NPAS3: variants seen among roughly 807,000 people sequenced by gnomAD.
The protein encoded by NPAS3 is neuronal PAS domain protein 3.
A neutral mutation model predicts 73.1 loss-of-function variants in NPAS3; 14 were observed. The observed-to-expected ratio is 0.19, with a 90% CI of 0.13 to 0.30. NPAS3 has a LOEUF of 0.30. NPAS3 is among the 10% of genes least tolerant of loss of function. NPAS3 has a pLI of 1.00. For missense variants in NPAS3, 1,096 were observed against 1,250.0 expected (o/e 0.88, Z 1.86); for synonymous variants, 620 against 541.5 (o/e 1.14, Z -2.01).
At chr14:33,672,403 C>T (rs184859635) in intron 5 of NPAS3, among the ~76,000 whole-genome samples, 6 of 152,076 alleles carry the variant, frequency 3.9e-5, no homozygotes, top group African/African-American at 1.2e-4. Context: ...CGCAAATATC[C>T]GTTCTTTATT....
chr14:33,317,180 G>T (rs1303379858), intron 3 of NPAS3, among the ~76,000 whole-genome samples: 2 of 152,052 alleles, frequency 1.3e-5, no homozygotes, highest in Non-Finnish European at 2.9e-5. Flanking sequence ...TGAAAGTATA[G>T]TAAATAACTC....
intron 5 of NPAS3, among the ~76,000 whole-genome samples, chr14:33,649,562 C>G (rs1261333208): frequency 6.6e-6 from 1 of 152,126 alleles, no homozygotes; most frequent in African/African-American, 2.4e-5. Context: ...TTTATATACT[C>G]CATTGTAAGT....
chr14:33,565,455 A>G (rs1418943656), intron 5 of NPAS3, among the ~76,000 whole-genome samples: 1 of 152,250 alleles, frequency 6.6e-6, no homozygotes, highest in Non-Finnish European at 1.5e-5. Context: ...AAATCACTGG[A>G]GGTTAAAGAT....
chr14:33,493,662 C>T (rs1385289594), intron 4 of NPAS3, among the ~76,000 whole-genome samples: 1 of 152,076 alleles, frequency 6.6e-6, no homozygotes, highest in Non-Finnish European at 1.5e-5. Flanking sequence ...GAGGGGCTAG[C>T]CCCTTTGCTT....
intron 2 of NPAS3, among the ~76,000 whole-genome samples, chr14:33,128,879 T>C (rs2043531741): frequency 6.6e-6 from 1 of 152,158 alleles, no homozygotes; most frequent in South Asian, 2.1e-4. Flanking sequence ...GTATCAGAAA[T>C]GGCTTCATGA....
intron 2 of NPAS3, among the ~76,000 whole-genome samples, chr14:33,105,555 A>C (rs2042698089): frequency 6.6e-6 from 1 of 152,118 alleles, no homozygotes; most frequent in Non-Finnish European, 1.5e-5. Flanking sequence ...TAAATCTTTA[A>C]ATTAGATTAC....
intron 3 of NPAS3, among the ~76,000 whole-genome samples, chr14:33,336,974 G>A (rs1049283142): frequency 1.4e-4 from 21 of 152,066 alleles, no homozygotes; most frequent in Admixed American, 1.1e-3. Context: ...ATATACTATG[G>A]ACTCAAATCT....
At chr14:33,260,462 C>T (rs535156948) in intron 3 of NPAS3, among the ~76,000 whole-genome samples, 1 of 151,982 alleles carries the variant, frequency 6.6e-6, no homozygotes, top group South Asian at 2.1e-4. Context: ...TCATCATGCA[C>T]CCGTACATTT....
chr14:33,180,802 GA>G (rs869085160), intron 2 of NPAS3, among the ~76,000 whole-genome samples: 121 of 74,712 alleles, frequency 1.6e-3, no homozygotes, highest in South Asian at 6.7e-3. Context: ...CTGTCTCCAA[GA>G]AAAAAAAAAA....
intron 4 of NPAS3, among the ~76,000 whole-genome samples, chr14:33,406,808 G>A (rs2047687679): frequency 6.6e-6 from 1 of 152,074 alleles, no homozygotes; most frequent in Non-Finnish European, 1.5e-5. Context: ...TTCTAACCCA[G>A]AACCAAAATT....
At chr14:33,562,250 G>A (rs1392623630) in intron 5 of NPAS3, among the ~76,000 whole-genome samples, 1 of 152,130 alleles carries the variant, frequency 6.6e-6, no homozygotes, top group African/African-American at 2.4e-5. Context: ...AATAATTGAC[G>A]CTTCTGTGAA....
At chr14:33,440,382 T>C (rs906115659) in intron 4 of NPAS3, among the ~76,000 whole-genome samples, 1 of 152,148 alleles carries the variant, frequency 6.6e-6, no homozygotes, top group African/African-American at 2.4e-5. Context: ...TCCAATTCAC[T>C]GCAACCCTGT....
At chr14:33,029,225 C>T (rs1279923125) in intron 1 of NPAS3, among the ~76,000 whole-genome samples, 9 of 152,144 alleles carry the variant, frequency 5.9e-5, no homozygotes, top group East Asian at 3.8e-4. Flanking sequence ...GGTGAAGTGA[C>T]GGACGCTTTC....
intron 5 of NPAS3, among the ~76,000 whole-genome samples, chr14:33,672,705 A>G (rs115157574): frequency 0.081 from 12,082 of 148,934 alleles, 1,470 homozygotes; most frequent in African/African-American, 0.26. Context: ...AAGAGAGAAA[A>G]AAAAAAAAAA....
chr14:33,745,084 A>T (rs1201120239), intron 7 of NPAS3, among the ~76,000 whole-genome samples: 1 of 151,764 alleles, frequency 6.6e-6, no homozygotes, highest in Admixed American at 6.6e-5. Context: ...CTACAAAAAT[A>T]CAAAAATAAA....
chr14:33,169,693 A>T (rs2045313653), intron 2 of NPAS3, among the ~76,000 whole-genome samples: 1 of 152,204 alleles, frequency 6.6e-6, no homozygotes, highest in Non-Finnish European at 1.5e-5. Context: ...AATTGAGGGG[A>T]TTGTAAATAA....
rs2037297904 is a variant in NPAS3 at position 32,968,773 on chromosome 14, T to TTC, written c.50+29408_50+29409insCT. Among the ~76,000 whole-genome samples, 4 of 3,594 alleles carry TTC rather than the reference T, an allele frequency of 1.1e-3. No homozygotes were observed. The South Asian group carries it at 0.087, about 78-fold the overall frequency. 2.4% of individuals were successfully genotyped at this position (3,594 alleles called of 152,430 possible). ...GCCAGGGAAGCCACTACTTTCTTTC[T>TTC]TTTTTTTTTTTTAAACTTATTTTGA... On this transcript the variant is annotated intron_variant, in intron 1 of 11. Transcript: ENST00000356141.
chr14:32,963,098 G>C, intron 1 of NPAS3, among the ~76,000 whole-genome samples: 1 of 152,104 alleles, frequency 6.6e-6, no homozygotes. Flanking sequence ...GGTGATTGCT[G>C]ACGATTCTGA....
intron 5 of NPAS3, among the ~76,000 whole-genome samples, chr14:33,596,667 G>A (rs1228919592): frequency 2.0e-5 from 3 of 152,182 alleles, no homozygotes; most frequent in Non-Finnish European, 4.4e-5. Flanking sequence ...TCCAAATAAA[G>A]ATTTGTATTA....
Sources: gnomAD v4.1 joint callset for allele counts (sites outside exome capture counted in the v4.1 genomes callset) on GRCh38, gnomAD v4.1.1 for gene constraint, MANE v1.5 for transcripts, NCBI Gene and HGNC (gene_info 2026-07-23, HGNC 2026-07-21) for gene names.